AIG1: variants seen among roughly 807,000 people sequenced by gnomAD.
AIG1 encodes androgen-induced gene 1 protein.
Under a neutral mutation model 31.4 loss-of-function variants are expected in AIG1, and 23 were observed. That is an observed-to-expected ratio of 0.73 (90% CI 0.53 to 1.04). The LOEUF (loss-of-function observed/expected upper bound fraction) is 1.04, where lower values mean the gene tolerates loss of function less well. Ranked by LOEUF, AIG1 falls within the 50% of genes least tolerant of loss-of-function variation. AIG1 has a pLI of 0.00. For missense variants in AIG1, 274 were observed against 295.0 expected (o/e 0.93, Z 0.52); for synonymous variants, 100 against 110.5 (o/e 0.90, Z 0.60).
At chr6:143,305,494 T>C (rs1397033670) in intron 4 of AIG1, among the ~76,000 whole-genome samples, 1 of 152,238 alleles carries the variant, frequency 6.6e-6, no homozygotes, top group African/African-American at 2.4e-5. Flanking sequence ...CCAGTAGTCA[T>C]TCAGGAGCAG....
chr6:143,136,894 T>G lies in AIG1; in HGVS notation c.201T>G (p.Thr67=), dbSNP rs751400671. Residue 67 remains threonine (T), a synonymous_variant, in exon 2 of 6, where the codon ACT becomes ACG. Transcript: ENST00000357847. ...CVLTDLSSLL[T]RGSGNQEQER... ...TGACTGATCTTTCCAGTCTTCTGAC[T>G]CGAGGAAGTGGGAACCAGGAGCAAG... The G allele has an allele frequency of 9.8e-6, 15 of 1,535,728 alleles. No homozygotes were observed. Among genetic ancestry groups the G allele is most frequent in the Non-Finnish European group, 1.3e-5 (15 of 1,130,600 alleles).
At chr6:143,283,587 A>C (rs1797492761) in intron 3 of AIG1, among the ~76,000 whole-genome samples, 1 of 152,272 alleles carries the variant, frequency 6.6e-6, no homozygotes, top group South Asian at 2.1e-4. Context: ...AATTGGTTAA[A>C]TAAATCTTAG....
At chr6:143,246,362 A>G (rs768545338) in intron 3 of AIG1, among the ~76,000 whole-genome samples, 1 of 152,154 alleles carries the variant, frequency 6.6e-6, no homozygotes, top group Non-Finnish European at 1.5e-5. Flanking sequence ...AGCAAGTCAC[A>G]TCTTACATGG....
intron 1 of AIG1, among the ~76,000 whole-genome samples, chr6:143,086,351 C>A (rs1286452992): frequency 6.6e-6 from 1 of 151,932 alleles, no homozygotes; most frequent in African/African-American, 2.4e-5. Flanking sequence ...CTACTTCTAT[C>A]TCTCTTTTTC....
chr6:143,224,882 A>G (rs1257723738), intron 3 of AIG1, among the ~76,000 whole-genome samples: 1 of 152,152 alleles, frequency 6.6e-6, no homozygotes, highest in Non-Finnish European at 1.5e-5. Context: ...AATAGATTCC[A>G]TGTACGTTTG....
At chr6:143,249,530 T>C (rs1026800387) in intron 3 of AIG1, among the ~76,000 whole-genome samples, 1 of 152,196 alleles carries the variant, frequency 6.6e-6, no homozygotes, top group Non-Finnish European at 1.5e-5. Flanking sequence ...CATCTGACAG[T>C]AGTTCTGGAA....
rs141696482 is a variant in AIG1 at position 143,291,744 on chromosome 6, G to A, written c.515+7519G>A. On this transcript the variant is annotated intron_variant, in intron 4 of 5. Transcript: ENST00000357847. The surrounding 1 kb of genome is among the most constrained non-coding windows in gnomAD (Gnocchi z 4.2). The stretch of plus-strand genomic sequence containing the variant: ...AGGGTTCCAGCAATAAGCCTGCTGT[G>A]TTCAAGGAAAGCAGAAGGCCACTGT... 5.9e-5 allele frequency among the ~76,000 whole-genome samples: 9 copies of A among 152,322 alleles called. No individual in the cohort carries two copies. Among genetic ancestry groups the A allele is most frequent in the African/African-American group, 1.7e-4 (7 of 41,560 alleles).
At chr6:143,275,575 G>C (rs1257398365) in intron 3 of AIG1, among the ~76,000 whole-genome samples, 1 of 152,082 alleles carries the variant, frequency 6.6e-6, no homozygotes, top group Non-Finnish European at 1.5e-5. Context: ...GCCCTTAGTG[G>C]ACTGTGCTGT....
intron 2 of AIG1, among the ~76,000 whole-genome samples, chr6:143,161,135 CAT>C (rs1018423480): frequency 3.3e-5 from 5 of 152,206 alleles, no homozygotes; most frequent in Admixed American, 2.6e-4. Flanking sequence ...AATTCAAAAA[CAT>C]AGATGAAATA....
At chr6:143,316,751 T>C (rs182300386) in intron 4 of AIG1, among the ~76,000 whole-genome samples, 48 of 151,920 alleles carry the variant, frequency 3.2e-4, no homozygotes, top group Admixed American at 3.0e-3. Context: ...AAAATTGATA[T>C]ACCATTAGCG....
intron 1 of AIG1, among the ~76,000 whole-genome samples, chr6:143,101,713 G>A (rs1780296469): frequency 6.6e-6 from 1 of 152,098 alleles, no homozygotes; most frequent in Admixed American, 6.5e-5. Flanking sequence ...AGTATATACT[G>A]CTCAGGTTAT....
chr6:143,216,219 A>G (rs1792017222), intron 3 of AIG1, among the ~76,000 whole-genome samples: 1 of 152,200 alleles, frequency 6.6e-6, no homozygotes, highest in African/African-American at 2.4e-5. Flanking sequence ...TCCTTATTTT[A>G]TTATACAAAG....
chr6:143,275,483 AG>A (rs1796828593), intron 3 of AIG1, among the ~76,000 whole-genome samples: 1 of 152,170 alleles, frequency 6.6e-6, no homozygotes, highest in Admixed American at 6.5e-5. Flanking sequence ...AAAGCCCTCT[AG>A]GGTTTGGCAG....
intron 1 of AIG1, among the ~76,000 whole-genome samples, chr6:143,085,750 C>T (rs781474627): frequency 3.3e-4 from 51 of 152,358 alleles, no homozygotes; most frequent in Middle Eastern, 3.4e-3. Flanking sequence ...CCTAACTCTG[C>T]TTCCACAAGA....
chr6:143,224,823 A>G (rs1792810753), intron 3 of AIG1, among the ~76,000 whole-genome samples: 1 of 152,084 alleles, frequency 6.6e-6, no homozygotes, highest in Admixed American at 6.6e-5. Flanking sequence ...CATTAAGACC[A>G]TTGTAATGTT....
At chr6:143,210,773 G>T (rs929958437) in intron 3 of AIG1, among the ~76,000 whole-genome samples, 1 of 152,160 alleles carries the variant, frequency 6.6e-6, no homozygotes, top group African/African-American at 2.4e-5. Flanking sequence ...AACCAACATG[G>T]CAGAGAAACT....
chr6:143,074,343 C>G (rs986421214), intron 1 of AIG1, among the ~76,000 whole-genome samples: 1 of 152,112 alleles, frequency 6.6e-6, no homozygotes, highest in African/African-American at 2.4e-5. Context: ...GGAACTATTC[C>G]CGTGTATTCT....
At chr6:143,126,267 G>C (rs1236685446) in intron 1 of AIG1, 2 of 152,160 alleles carry the variant, frequency 1.3e-5, no homozygotes, top group African/African-American at 4.8e-5. Context: ...TTTCTCTACG[G>C]AGTAGCATTC....
intron 4 of AIG1, among the ~76,000 whole-genome samples, chr6:143,305,285 C>G (rs956475404): frequency 3.3e-5 from 5 of 152,050 alleles, no homozygotes; most frequent in South Asian, 2.1e-4. Context: ...TGTGTTTGCT[C>G]TTGCTTTTCT....
Sources: allele counts gnomAD v4.1 joint callset (sites outside exome capture counted in the v4.1 genomes callset), GRCh38; gene constraint gnomAD v4.1.1; non-coding constraint Gnocchi (gnomAD v3.1); transcripts MANE v1.5; gene names NCBI Gene and HGNC (gene_info 2026-07-23, HGNC 2026-07-21).